SYNM: variants seen among roughly 807,000 people sequenced by gnomAD.
The protein encoded by SYNM is desmuslin.
A neutral mutation model predicts 104.0 loss-of-function variants in SYNM; 95 were observed. That is an observed-to-expected ratio of 0.91 (90% confidence interval 0.77 to 1.08). SYNM has a LOEUF of 1.08. Ranked by LOEUF, SYNM falls within the 50% of genes least tolerant of loss-of-function variation. The pLI is 0.00. For synonymous variants in SYNM, 918 were observed against 869.0 expected (o/e 1.06, Z -0.99); for missense variants, 2,150 against 2,052.2 (o/e 1.05, Z -0.92).
rs2067494757 is a variant in SYNM at position 99,130,797 on chromosome 15, A to G, written c.2437A>G (p.Thr813Ala). The G allele has an allele frequency of 6.2e-7, 1 of 1,613,726 alleles. No individual in the cohort carries two copies. The highest frequency in any genetic ancestry group is 1.3e-5 in the African/African-American group (1 of 74,844). The change falls in exon 4 of 4, where the codon ACT becomes GCT. Residue 813 changes from threonine to alanine, a missense_variant. By Grantham distance (58) the Thr-to-Ala change is moderately conservative. Coordinates refer to ENST00000336292, the MANE Select transcript of SYNM (RefSeq NM_145728.3). ...RRTKQPQENT[T>A]HVEEVTEAGD... The stretch of plus-strand genomic sequence containing the variant: ...GACCAAGCAGCCTCAGGAGAACACG[A>G]CTCACGTGGAAGAAGTGACAGAGGC...
chr15:99,129,843 A>T lies in SYNM; in HGVS notation c.1483A>T (p.Ile495Phe). The T allele has an allele frequency of 6.2e-7, 1 of 1,613,788 alleles. No individual in the cohort carries two copies. The highest frequency in any genetic ancestry group is 8.5e-7 in the Non-Finnish European group (1 of 1,179,838). ...ESTRSNERTV[I>F]LGKKTEVKAT... Reference sequence around the variant, plus strand: ...CACACGGTCAAATGAGAGGACCGTCATTCTGGGAAAGAAAACAGAAGTGAA... The same window carrying T: ...CACACGGTCAAATGAGAGGACCGTCTTTCTGGGAAAGAAAACAGAAGTGAA... The change falls in exon 4 of 4, where the codon ATT becomes TTT. Residue 495 changes from isoleucine (I) to phenylalanine (F), a missense_variant. Ile to Phe is a conservative substitution (Grantham distance 21, BLOSUM62 0). Transcript: ENST00000336292.
In SYNM at chr15:99,130,904, G is replaced by A. The variant is rs782166884; in HGVS notation, c.2544G>A (p.Ser848=). ...GGGGGCACGACAGAGATGACGGCTC[G>A]GTGTACGGGCAGATCCACATCGAGG... ...HPGGHDRDDG[S]VYGQIHIEEE... The change falls in exon 4 of 4, where the codon TCG becomes TCA. Residue 848 remains serine (S), a synonymous_variant. Coordinates refer to ENST00000336292, the MANE Select transcript of SYNM (RefSeq NM_145728.3). 3.7e-5 allele frequency: 59 copies of A among 1,613,916 alleles called. No individual in the cohort carries two copies. The highest frequency in any genetic ancestry group is 2.7e-4 in the South Asian group (25 of 91,072).
At chr15:99,123,600 C>T (rs1172511056) in intron 2 of SYNM, among the ~76,000 whole-genome samples, 1 of 152,206 alleles carries the variant, frequency 6.6e-6, no homozygotes, top group Admixed American at 6.5e-5. Flanking sequence ...AGCTTGGCTT[C>T]CTCTGTCGCA....
At chr15:99,109,851 A>G (rs1432526543) in intron 1 of SYNM, among the ~76,000 whole-genome samples, 1 of 152,238 alleles carries the variant, frequency 6.6e-6, no homozygotes, top group Non-Finnish European at 1.5e-5. Context: ...GCTAGGGCAC[A>G]GTGAACAGGG....
chr15:99,105,521 CG>C lies in SYNM; in HGVS notation c.323del (p.Arg108ProfsTer45). The C allele has an allele frequency of 8.0e-7, 1 of 1,255,506 alleles. No homozygotes were observed. The highest frequency in any genetic ancestry group is 1.0e-6 in the Non-Finnish European group (1 of 1,002,972). The allele number at this position is 1,255,506 out of a possible 1,614,324, so 77.8% of individuals were successfully genotyped here. A position where few individuals can be genotyped will look rare whatever the true frequency, so the allele number is the denominator to read the frequency against. On this transcript the variant is annotated frameshift_variant, in exon 1 of 4. Coordinates refer to ENST00000336292, the MANE Select transcript of SYNM (RefSeq NM_145728.3). LOFTEE classifies it high-confidence loss of function. ...TGCGGAGGAGCGCGCCGCCCGCGGC[CG>C]CCTGGACGCCGAGCTGGGTGCGCAG... ...LDAEERAARG[R>X]LDAELGAQQR...
At chr15:99,109,456 T>C (rs935084318) in intron 1 of SYNM, among the ~76,000 whole-genome samples, 1 of 152,132 alleles carries the variant, frequency 6.6e-6, no homozygotes, top group Admixed American at 6.5e-5. Context: ...AAAACATGAT[T>C]GAATGAAAGC....
chr15:99,131,678 C>T lies in SYNM; in HGVS notation c.3318C>T (p.Ser1106=), dbSNP rs2067510042. The stretch of plus-strand genomic sequence containing the variant: ...CAGTGTCGGCCACTGTGGAGGTCAG[C>T]AGCCCCACAGGCTTTGCCCAGTCAC... ...QGPVSATVEV[S]SPTGFAQSQV... Residue 1106 remains serine, a synonymous_variant, in exon 4 of 4, where the codon AGC becomes AGT. Transcript: ENST00000336292. This position sits in a 1 kb window ranked among gnomAD's most constrained non-coding sequence, Gnocchi z 4.3. 1 of 1,612,750 alleles carries T rather than the reference C, an allele frequency of 6.2e-7. No individual in the cohort carries two copies.
At position 99,106,027 on chromosome 15, in the gene SYNM, G is replaced by A; in HGVS notation, c.810+18G>A. On this transcript the variant is annotated intron_variant, in intron 1 of 3. Coordinates refer to ENST00000336292, the MANE Select transcript of SYNM (RefSeq NM_145728.3). ...AGCGGCAGGTCCGTGCGCGGGGATGGCGCGCTGACCCCATACCCGCTGCCG... is the reference window on the plus strand; with the variant it reads ...AGCGGCAGGTCCGTGCGCGGGGATGACGCGCTGACCCCATACCCGCTGCCG... 5 of 1,435,980 alleles carry A rather than the reference G, an allele frequency of 3.5e-6. No individual in the cohort carries two copies. Among genetic ancestry groups the A allele is most frequent in the Non-Finnish European group, 4.5e-6 (5 of 1,100,040 alleles). 89.0% of individuals were successfully genotyped at this position (1,435,980 alleles called of 1,614,324 possible). A position where few individuals can be genotyped will look rare whatever the true frequency, so the allele number is the denominator to read the frequency against.
intron 2 of SYNM, among the ~76,000 whole-genome samples, chr15:99,118,015 A>C (rs963197801): frequency 1.3e-5 from 2 of 152,188 alleles, no homozygotes; most frequent in East Asian, 1.9e-4. Context: ...CCAAGTTTGC[A>C]TGGGGAAAAT....
Position 99,132,270 on chromosome 15 carries a change from A to G in SYNM, c.3910A>G (p.Ser1304Gly). The G allele has an allele frequency of 6.2e-7, 1 of 1,608,076 alleles. No homozygotes were observed. Among genetic ancestry groups the G allele is most frequent in the South Asian group, 1.1e-5 (1 of 90,582 alleles). Residue 1304 changes from serine to glycine, a missense_variant, in exon 4 of 4, where the codon AGC becomes GGC. Physicochemically the swap from Ser to Gly is moderately conservative, Grantham distance 56. Coordinates refer to ENST00000336292, the MANE Select transcript of SYNM (RefSeq NM_145728.3). ...TGTACACATGGAAGGGTTGCCAGGG[A>G]GCAGCACATCCATCAGGCACATCAG... is the stretch of plus-strand genomic sequence containing the variant. ...DSVHMEGLPGSSTSIRHISIG... is the reference protein window; with the variant it reads ...DSVHMEGLPGGSTSIRHISIG...
chr15:99,107,855 T>TA (rs1555482970), intron 1 of SYNM, among the ~76,000 whole-genome samples: 1 of 151,896 alleles, frequency 6.6e-6, no homozygotes, highest in Non-Finnish European at 1.5e-5. Context: ...CATCCAGTGA[T>TA]ACTTCTCTCT....
chr15:99,132,356 A>G lies in SYNM; in HGVS notation c.3996A>G (p.Gln1332=), dbSNP rs782740448. 53 of 1,613,764 alleles carry G rather than the reference A, an allele frequency of 3.3e-5. No homozygotes were observed. The East Asian group carries it at 1.0e-3, about 31-fold the overall frequency. ...QQIVYHGLVP[Q]LGESGDSEST... is the part of the protein sequence containing the mutation. Reference sequence around the variant, plus strand: ...TAGTTTACCATGGGCTGGTTCCCCAACTGGGGGAATCTGGTGACTCAGAGA... The same window carrying G: ...TAGTTTACCATGGGCTGGTTCCCCAGCTGGGGGAATCTGGTGACTCAGAGA... Residue 1332 remains glutamine (Q), a synonymous_variant, in exon 4 of 4, where the codon CAA becomes CAG. Coordinates refer to ENST00000336292, the MANE Select transcript of SYNM (RefSeq NM_145728.3).
downstream of SYNM, among the ~76,000 whole-genome samples, chr15:99,138,459 A>C (rs1180601865): frequency 6.6e-6 from 1 of 152,108 alleles, no homozygotes; most frequent in East Asian, 1.9e-4. Flanking sequence ...GATTACAGGC[A>C]CATGCCACCA....
downstream of SYNM, chr15:99,136,221 T>C (rs1401342871): frequency 1.4e-5 from 2 of 147,896 alleles, no homozygotes; most frequent in Admixed American, 6.7e-5. Flanking sequence ...CCTAAATTCA[T>C]TGCTTCCTGG....
intron 1 of SYNM, among the ~76,000 whole-genome samples, chr15:99,106,935 G>C (rs1412784464): frequency 6.6e-6 from 1 of 152,236 alleles, no homozygotes; most frequent in Non-Finnish European, 1.5e-5. Context: ...GTGAGTTAAA[G>C]ATTTGAGACT....
intron 2 of SYNM, among the ~76,000 whole-genome samples, 152 bp downstream of exon 2, chr15:99,113,867 C>T (rs1188510972): frequency 2.6e-5 from 4 of 152,088 alleles, no homozygotes; most frequent in African/African-American, 7.2e-5. Flanking sequence ...GCAAGGAGTC[C>T]GAGGCCAAAA....
At chr15:99,137,455 A>T (rs1285390978), downstream of SYNM, 2 of 152,312 alleles carry the variant, frequency 1.3e-5, no homozygotes, top group African/African-American at 4.8e-5. Context: ...TGCCCCTCCT[A>T]CTGGGCTCTT....
downstream of SYNM, chr15:99,139,410 C>T (rs782183803): frequency 6.2e-7 from 1 of 1,614,084 alleles, no homozygotes; most frequent in Admixed American, 1.7e-5. Context: ...CTGTAGAACA[C>T]CAAGCAGCTA....
Position 99,106,165 on chromosome 15 carries a change from G to A in SYNM, c.810+156G>A, listed in dbSNP as rs115057016. Among the ~76,000 whole-genome samples the A allele has an allele frequency of 4.0e-3, 603 of 152,270 alleles. 6 individuals are homozygous for A. Among genetic ancestry groups the A allele is most frequent in the African/African-American group, 0.014 (576 of 41,550 alleles). On this transcript the variant is annotated intron_variant, in intron 1 of 3. Transcript: ENST00000336292. ...GGGTGCCCGAATGGCATGGGGACCC[G>A]GACTCGGTCCGCTGGTCCATCGACT...
Sources: gnomAD v4.1 joint callset for allele counts (sites outside exome capture counted in the v4.1 genomes callset) on GRCh38, gnomAD v4.1.1 for gene constraint, Gnocchi (gnomAD v3.1) non-coding constraint, MANE v1.5 for transcripts, NCBI Gene and HGNC (gene_info 2026-07-23, HGNC 2026-07-21) for gene names.